ANKRD7: variants seen among roughly 807,000 people sequenced by gnomAD.
ANKRD7 encodes ankyrin repeat domain-containing protein 7.
Under a neutral mutation model 30.8 loss-of-function variants are expected in ANKRD7, and 30 were observed. The ratio of observed to expected loss-of-function variants is 0.97; its 90% CI spans 0.73 to 1.32. The LOEUF (loss-of-function observed/expected upper bound fraction) is 1.32, where lower values mean the gene tolerates loss of function less well. Ranked by LOEUF, ANKRD7 falls within the 40% of genes most tolerant of loss-of-function variation. The pLI is 0.00. For synonymous variants in ANKRD7, 97 were observed against 106.6 expected (o/e 0.91, Z 0.55); for missense variants, 264 against 295.7 (o/e 0.89, Z 0.79).
At chr7:118,227,583 T>G (rs557308056) in intron 1 of ANKRD7, among the ~76,000 whole-genome samples, 6 of 152,330 alleles carry the variant, frequency 3.9e-5, no homozygotes, top group African/African-American at 1.4e-4. Context: ...ACTTCGGGGT[T>G]TCCTACTCTG....
At chr7:118,238,085 A>G (rs1237441562) in intron 5 of ANKRD7, among the ~76,000 whole-genome samples, 1 of 152,188 alleles carries the variant, frequency 6.6e-6, no homozygotes, top group Non-Finnish European at 1.5e-5. Flanking sequence ...ATTTACATAT[A>G]TGTAAGCAAG....
At chr7:118,227,119 CCTTT>C (rs1414985031) in intron 1 of ANKRD7, among the ~76,000 whole-genome samples, 24 of 151,640 alleles carry the variant, frequency 1.6e-4, no homozygotes, top group African/African-American at 5.1e-4. Context: ...TGCTTTGGTT[CCTTT>C]CTTTCTTTTT....
intron 1 of ANKRD7, among the ~76,000 whole-genome samples, chr7:118,226,267 C>T (rs1367388189): frequency 6.6e-6 from 1 of 152,106 alleles, no homozygotes; most frequent in African/African-American, 2.4e-5. Flanking sequence ...TTTGAACTCG[C>T]TGTTTAATCA....
At chr7:118,239,773 C>T in intron 5 of ANKRD7, 136 bp from the exon 6 acceptor site, 1 of 412,542 alleles carries the variant, frequency 2.4e-6, no homozygotes, top group Non-Finnish European at 4.3e-6. Flanking sequence ...AGAGTTGGCT[C>T]AAGAGGAAGC....
At chr7:118,233,519 G>C (rs1809674282) in intron 1 of ANKRD7, among the ~76,000 whole-genome samples, 1 of 151,694 alleles carries the variant, frequency 6.6e-6, no homozygotes, top group African/African-American at 2.4e-5. Context: ...GGTTTTGTTT[G>C]TTTATCTTTT....
chr7:118,229,376 A>G (rs965446328), intron 1 of ANKRD7, among the ~76,000 whole-genome samples: 1 of 151,968 alleles, frequency 6.6e-6, no homozygotes, highest in African/African-American at 2.4e-5. Context: ...TATCTTTTAA[A>G]TTGTTTGTTG....
chr7:118,225,435 C>G (rs1809524860), intron 1 of ANKRD7, among the ~76,000 whole-genome samples: 1 of 151,636 alleles, frequency 6.6e-6, no homozygotes, highest in Non-Finnish European at 1.5e-5. Flanking sequence ...TTGCAGTGAG[C>G]CGAGATCGGG....
intron 4 of ANKRD7, 133 bp from the exon 5 acceptor site, chr7:118,236,657 T>G: frequency 1.0e-6 from 1 of 960,466 alleles, no homozygotes. Context: ...ATCTGCTGTA[T>G]TTTTTACATT....
At chr7:118,227,259 C>A (rs917226782) in intron 1 of ANKRD7, among the ~76,000 whole-genome samples, 1 of 152,068 alleles carries the variant, frequency 6.6e-6, no homozygotes, top group Non-Finnish European at 1.5e-5. Context: ...AATTTTATCT[C>A]CCCCCAAACT....
At position 118,236,210 on chromosome 7, in the gene ANKRD7, A is replaced by ATGTGTGTGTGTGTG. The variant is rs3993811; in HGVS notation, c.575+79_575+92dup. 1,769 of 605,966 alleles carry ATGTGTGTGTGTGTG rather than the reference A, an allele frequency of 2.9e-3. 23 individuals are homozygous for ATGTGTGTGTGTGTG. The African/African-American group carries it at 0.03, about 10-fold the overall frequency. The allele number at this position is 605,966 out of a possible 1,614,324, so 37.5% of individuals were successfully genotyped here. On this transcript the variant is annotated intron_variant, in intron 4 of 6. Coordinates refer to ENST00000265224, the MANE Select transcript of ANKRD7 (RefSeq NM_019644.4). The stretch of plus-strand genomic sequence containing the variant: ...ACCTGATAGGATTGTGTGTGTGCGT[A>ATGTGTGTGTGTGTG]TGTGTGTGTGTGTGTGTGTGTGTGT...
chr7:118,230,296 A>T (rs1386498798), intron 1 of ANKRD7, among the ~76,000 whole-genome samples: 5 of 152,010 alleles, frequency 3.3e-5, no homozygotes, highest in Non-Finnish European at 7.4e-5. Flanking sequence ...AAATGGGGGA[A>T]TGGTGGGATG....
At chr7:118,240,312 C>A (rs1343359201) in intron 6 of ANKRD7, among the ~76,000 whole-genome samples, 1 of 152,120 alleles carries the variant, frequency 6.6e-6, no homozygotes, top group Non-Finnish European at 1.5e-5. Flanking sequence ...TCCTTCCCCC[C>A]TCCCCCCACC....
At chr7:118,230,656 A>G (rs1217380359) in intron 1 of ANKRD7, among the ~76,000 whole-genome samples, 1 of 151,218 alleles carries the variant, frequency 6.6e-6, no homozygotes, top group Non-Finnish European at 1.5e-5. Flanking sequence ...GTGTGTAGAG[A>G]GAGAGAGAGA....
chr7:118,234,856 T>C lies in ANKRD7; in HGVS notation c.450T>C (p.Asp150=), dbSNP rs1456728775. The C allele has an allele frequency of 6.3e-7, 1 of 1,597,214 alleles. No individual in the cohort carries two copies. The highest frequency in any genetic ancestry group is 1.4e-5 in the African/African-American group (1 of 73,790). ...AAAAACTGCTTGAATACGAAGCTGA[T>C]CTTGAAGCGAAAAATAAGGTAGTTT... The part of the protein sequence containing the change: ...LVEKLLEYEA[D]LEAKNKDGYT... The change falls in exon 3 of 7, where the codon GAT becomes GAC. Residue 150 remains aspartate (D), a synonymous_variant. Transcript: ENST00000265224.
At chr7:118,235,838 A>G (rs1335696948) in intron 3 of ANKRD7, among the ~76,000 whole-genome samples, 1 of 152,124 alleles carries the variant, frequency 6.6e-6, no homozygotes, top group Non-Finnish European at 1.5e-5. Flanking sequence ...AGCCTAAAAC[A>G]GGAACTTAAA....
At chr7:118,237,037 A>C in intron 5 of ANKRD7, 111 bp downstream of exon 5, 1 of 1,131,844 alleles carries the variant, frequency 8.8e-7, no homozygotes, top group Non-Finnish European at 1.3e-6. Flanking sequence ...GGGTAACCAC[A>C]TACAAATCTG....
intron 3 of ANKRD7, among the ~76,000 whole-genome samples, chr7:118,235,611 CA>C (rs776419798): frequency 0.041 from 1,967 of 48,348 alleles, 10 homozygotes; most frequent in East Asian, 0.13. Context: ...GACTCTGTCT[CA>C]AAAAAAAAAA....
In ANKRD7 at chr7:118,236,245, A is replaced by G. The variant is rs939830670; in HGVS notation, c.575+98A>G. On this transcript the variant is annotated intron_variant, in intron 4 of 6. Transcript: ENST00000265224. ...GTGTGTGTGTGTGTGTGTGTCCACA[A>G]AACACAATATATATGATATTGGGAA... 5 of 475,126 alleles carry G rather than the reference A, an allele frequency of 1.1e-5. 1 individual carries two copies. Among genetic ancestry groups the G allele is most frequent in the African/African-American group, 3.0e-5 (1 of 33,462 alleles). 29.4% of individuals were successfully genotyped at this position (475,126 alleles called of 1,614,324 possible).
chr7:118,241,520 CCT>C (rs1809843475), intron 6 of ANKRD7, among the ~76,000 whole-genome samples: 2 of 85,886 alleles, frequency 2.3e-5, no homozygotes, highest in African/African-American at 8.7e-5. Context: ...CTCTGAATTA[CCT>C]TTTTTTTTTT....
Sources: allele counts gnomAD v4.1 joint callset (sites outside exome capture counted in the v4.1 genomes callset), GRCh38; gene constraint gnomAD v4.1.1; transcripts MANE v1.5; gene names NCBI Gene and HGNC (gene_info 2026-07-23, HGNC 2026-07-21).